CSMD3: variants seen among roughly 807,000 people sequenced by gnomAD.
The protein encoded by CSMD3 is CUB and sushi domain-containing protein 3.
CSMD3 carries 177 observed loss-of-function variants against 435.2 expected under a neutral mutation model. The ratio of observed to expected loss-of-function variants is 0.41; its 90% CI spans 0.36 to 0.46. The LOEUF (loss-of-function observed/expected upper bound fraction) is 0.46, where lower values mean the gene tolerates loss of function less well. Ranked by LOEUF, CSMD3 falls within the 20% of genes least tolerant of loss-of-function variation. The pLI is 0.34. For synonymous variants in CSMD3, 1,656 were observed against 1,520.5 expected (o/e 1.09, Z -2.07); for missense variants, 4,265 against 4,504.6 (o/e 0.95, Z 1.52).
intron 16 of CSMD3, among the ~76,000 whole-genome samples, chr8:112,672,368 T>C (rs2075678193): frequency 6.6e-6 from 1 of 152,122 alleles, no homozygotes. Flanking sequence ...GGCCTCTGGT[T>C]ACCTGCAGTT....
At chr8:113,319,496 A>G (rs994442585) in intron 1 of CSMD3, among the ~76,000 whole-genome samples, 1 of 152,004 alleles carries the variant, frequency 6.6e-6, no homozygotes, top group African/African-American at 2.4e-5. Flanking sequence ...AATATTTTTA[A>G]TAGCCCATAA....
intron 3 of CSMD3, among the ~76,000 whole-genome samples, chr8:113,221,952 G>T (rs1280927199): frequency 6.0e-5 from 9 of 151,046 alleles, no homozygotes; most frequent in Non-Finnish European, 1.2e-4. Flanking sequence ...CTACAACCCT[G>T]GAACATAAAC....
rs79898265 is a variant in CSMD3 at position 112,859,387 on chromosome 8, A to G, written c.1634-121T>C. The G allele has an allele frequency of 3.7e-3, 2,988 of 815,192 alleles. 71 individuals carry two copies. In the African/African-American group the frequency reaches 0.044, roughly 12 times the overall value. The allele number at this position is 815,192 out of a possible 1,614,324, so 50.5% of individuals were successfully genotyped here. ...CACAATTATAACCACATTGAAATATATATTATGGTATTCTAATGTCACTTA... is the reference window on the plus strand; with the variant it reads ...CACAATTATAACCACATTGAAATATGTATTATGGTATTCTAATGTCACTTA... On this transcript the variant is annotated intron_variant, in intron 10 of 70. Transcript: ENST00000297405.
chr8:112,917,438 A>G (rs1481431104), intron 10 of CSMD3, among the ~76,000 whole-genome samples: 3 of 151,952 alleles, frequency 2.0e-5, no homozygotes, highest in Non-Finnish European at 4.4e-5. Context: ...CAGGCTAGAC[A>G]TATATGAATA....
intron 13 of CSMD3, among the ~76,000 whole-genome samples, chr8:112,710,148 T>G: frequency 6.6e-6 from 1 of 152,116 alleles, no homozygotes; most frequent in Non-Finnish European, 1.5e-5. Context: ...TGGGGTTTAT[T>G]TTTTCTTCAG....
intron 13 of CSMD3, among the ~76,000 whole-genome samples, chr8:112,739,565 T>A (rs921511986): frequency 1.3e-5 from 2 of 151,632 alleles, no homozygotes; most frequent in Non-Finnish European, 3.0e-5. Context: ...CTAAAACCTA[T>A]CAGACCTCCA....
At chr8:112,891,461 G>T (rs938048411) in intron 10 of CSMD3, among the ~76,000 whole-genome samples, 1 of 151,470 alleles carries the variant, frequency 6.6e-6, no homozygotes, top group Non-Finnish European at 1.5e-5. Flanking sequence ...TACTTTAACT[G>T]GGCAGATGTT....
intron 1 of CSMD3, among the ~76,000 whole-genome samples, chr8:113,359,546 G>GC (rs1400564665): frequency 1.2e-4 from 19 of 152,152 alleles, no homozygotes; most frequent in Admixed American, 1.2e-3. Flanking sequence ...TTCAGCTCAT[G>GC]CAAGATTGGC....
intron 3 of CSMD3, among the ~76,000 whole-genome samples, chr8:113,202,126 C>A (rs369062565): frequency 1.3e-5 from 2 of 152,080 alleles, no homozygotes; most frequent in Non-Finnish European, 2.9e-5. Context: ...CATATTCATT[C>A]TATTGCTATA....
At chr8:113,193,712 T>A (rs2092616522) in intron 3 of CSMD3, among the ~76,000 whole-genome samples, 1 of 151,472 alleles carries the variant, frequency 6.6e-6, no homozygotes, top group Non-Finnish European at 1.5e-5. Flanking sequence ...CATTGGAAAT[T>A]GCATAAATAA....
At chr8:113,216,499 C>T (rs1018419496) in intron 3 of CSMD3, among the ~76,000 whole-genome samples, 1 of 151,754 alleles carries the variant, frequency 6.6e-6, no homozygotes, top group African/African-American at 2.4e-5. Flanking sequence ...ACAATAAACA[C>T]ATTTTTTTAA....
At chr8:113,302,318 TA>T (rs2093778798) in intron 2 of CSMD3, among the ~76,000 whole-genome samples, 1 of 142,334 alleles carries the variant, frequency 7.0e-6, no homozygotes. Flanking sequence ...ATTATATATA[TA>T]ATAATATAAT....
At chr8:113,256,877 C>T (rs1051781154) in intron 3 of CSMD3, among the ~76,000 whole-genome samples, 5 of 152,222 alleles carry the variant, frequency 3.3e-5, no homozygotes, top group South Asian at 2.1e-4. Flanking sequence ...TATTAGATTA[C>T]GTAGAAATGC....
chr8:112,984,459 A>C (rs1219242500), intron 6 of CSMD3, among the ~76,000 whole-genome samples: 2 of 152,024 alleles, frequency 1.3e-5, no homozygotes, highest in Admixed American at 6.6e-5. Context: ...GATCAATAAA[A>C]TCTCACAAAT....
rs140121307 is a variant in CSMD3 at position 112,699,676 on chromosome 8, CGTT to C, written c.1973-9629_1973-9627del. On this transcript the variant is annotated intron_variant, in intron 13 of 70. Coordinates refer to ENST00000297405, the MANE Select transcript of CSMD3 (RefSeq NM_198123.2). ...TAGGACGTATATTCAGGTATATTGACGTTGTTTGCCTCCTGGTGTGATGTCCTG... is the reference window on the plus strand; with the variant it reads ...TAGGACGTATATTCAGGTATATTGACGTTTGCCTCCTGGTGTGATGTCCTG... Among the ~76,000 whole-genome samples the C allele has an allele frequency of 2.8e-3, 432 of 152,280 alleles. 1 individual carries two copies. The highest frequency in any genetic ancestry group is 9.4e-3 in the African/African-American group (390 of 41,576).
chr8:113,281,076 A>G (rs765170411), intron 2 of CSMD3, among the ~76,000 whole-genome samples: 1 of 151,724 alleles, frequency 6.6e-6, no homozygotes, highest in African/African-American at 2.4e-5. Context: ...TTGGCCTATC[A>G]TGTAGTCTAT....
intron 14 of CSMD3, among the ~76,000 whole-genome samples, chr8:112,686,659 T>G (rs1403654111): frequency 6.6e-6 from 1 of 151,980 alleles, no homozygotes; most frequent in Non-Finnish European, 1.5e-5. Context: ...CTAATTTTTG[T>G]ATTTTTAGTA....
intron 3 of CSMD3, among the ~76,000 whole-genome samples, chr8:113,186,659 G>A (rs746598570): frequency 6.6e-6 from 1 of 151,942 alleles, no homozygotes; most frequent in Non-Finnish European, 1.5e-5. Context: ...ATTTTATTAT[G>A]GAACTCTTCG....
intron 38 of CSMD3, among the ~76,000 whole-genome samples, chr8:112,377,081 C>T (rs1586920188): frequency 6.6e-6 from 1 of 151,668 alleles, no homozygotes; most frequent in Non-Finnish European, 1.5e-5. Context: ...TTTTCTATGT[C>T]AAGAGTAGCC....
Sources: gnomAD v4.1 joint callset for allele counts (sites outside exome capture counted in the v4.1 genomes callset) on GRCh38, gnomAD v4.1.1 for gene constraint, MANE v1.5 for transcripts, NCBI Gene and HGNC (gene_info 2026-07-23, HGNC 2026-07-21) for gene names.